The following AKAP6 variants were observed in gnomAD, a reference collection of about 807,000 sequenced individuals.
AKAP6 encodes A-kinase anchor protein 6.
In AKAP6, 58 loss-of-function variants were observed where a neutral mutation model predicts 188.5. The observed-to-expected ratio is 0.31, with a 90% CI of 0.25 to 0.38. The LOEUF is 0.38. AKAP6 is among the 10% of genes least tolerant of loss of function. The pLI is 1.00. For synonymous variants in AKAP6, 989 were observed against 998.6 expected (o/e 0.99, Z 0.18); for missense variants, 2,710 against 2,740.0 (o/e 0.99, Z 0.24).
intron 1 of AKAP6, among the ~76,000 whole-genome samples, chr14:32,344,785 A>G (rs10133482): frequency 0.021 from 3,157 of 152,078 alleles, 101 homozygotes; most frequent in African/African-American, 0.071. Flanking sequence ...GTGTGGTGGC[A>G]TACCCCTGTA....
At chr14:32,488,550 C>T (rs1879825024) in intron 2 of AKAP6, among the ~76,000 whole-genome samples, 1 of 152,120 alleles carries the variant, frequency 6.6e-6, no homozygotes, top group Admixed American at 6.5e-5. Context: ...AGTTCTGTCT[C>T]ACTGGGGTTC....
intron 1 of AKAP6, among the ~76,000 whole-genome samples, chr14:32,409,829 C>A (rs185961488): frequency 6.6e-6 from 1 of 152,120 alleles, no homozygotes; most frequent in East Asian, 1.9e-4. Context: ...CCAGGAGAGT[C>A]CACTTGGTTT....
chr14:32,691,629 G>A (rs1594852484), intron 8 of AKAP6, among the ~76,000 whole-genome samples: 1 of 152,000 alleles, frequency 6.6e-6, no homozygotes, highest in South Asian at 2.1e-4. Flanking sequence ...CATGACCTCA[G>A]CTCACTGCAA....
rs191795179 is a variant in AKAP6, at chr14:32,505,464, G to T, written c.325-30090G>T. ...TCAAGATATATGATATTTTAATATA[G>T]TATTTTTGAAAACCAAAATTAATGC... On this transcript the variant is annotated intron_variant, in intron 2 of 13. Coordinates refer to ENST00000280979, the MANE Select transcript of AKAP6 (RefSeq NM_004274.5). Among the ~76,000 whole-genome samples, 30 of 152,088 alleles carry T rather than the reference G, an allele frequency of 2.0e-4. No homozygotes were observed. The East Asian group carries it at 5.6e-3, about 28-fold the overall frequency.
intron 4 of AKAP6, among the ~76,000 whole-genome samples, chr14:32,569,967 G>A (rs1884400332): frequency 1.3e-5 from 2 of 152,034 alleles, no homozygotes; most frequent in Non-Finnish European, 2.9e-5. Flanking sequence ...AGATCCACTG[G>A]TCGGGTAGCT....
At chr14:32,809,145 G>A (rs2034160085) in intron 12 of AKAP6, among the ~76,000 whole-genome samples, 1 of 152,210 alleles carries the variant, frequency 6.6e-6, no homozygotes, top group South Asian at 2.1e-4. Flanking sequence ...ATAAAGCTGA[G>A]AAAGCTGGCG....
chr14:32,360,833 T>A (rs1480912647), intron 1 of AKAP6, among the ~76,000 whole-genome samples: 1 of 151,238 alleles, frequency 6.6e-6, no homozygotes, highest in African/African-American at 2.4e-5. Flanking sequence ...AGCCTCAAGC[T>A]CCTGGGCTCA....
intron 11 of AKAP6, among the ~76,000 whole-genome samples, chr14:32,762,537 C>T (rs763878756): frequency 3.3e-5 from 5 of 151,874 alleles, no homozygotes; most frequent in Non-Finnish European, 5.9e-5. Flanking sequence ...CAGAGATAAC[C>T]GCAGCTTTCG....
chr14:32,570,714 G>A (rs1460215755), intron 4 of AKAP6, among the ~76,000 whole-genome samples: 2 of 152,142 alleles, frequency 1.3e-5, no homozygotes, highest in Non-Finnish European at 2.9e-5. Context: ...AAGTCATTAG[G>A]TATAAACTAA....
chr14:32,688,286 C>T (rs955084139), intron 8 of AKAP6, among the ~76,000 whole-genome samples: 10 of 151,994 alleles, frequency 6.6e-5, no homozygotes, highest in African/African-American at 2.4e-4. Flanking sequence ...TAAAACAAAT[C>T]TGATTTATTT....
chr14:32,592,928 G>C lies in AKAP6; in HGVS notation c.2470-6482G>C, dbSNP rs1050022775. On this transcript the variant is annotated intron_variant, in intron 5 of 13. Coordinates refer to ENST00000280979, the MANE Select transcript of AKAP6 (RefSeq NM_004274.5). ...GCTCCAGAGCCCTTGCTTGTCAACA[G>C]CCCCATTCTACAGCATGTCATAACT... Among the ~76,000 whole-genome samples the C allele has an allele frequency of 2.6e-5, 4 of 151,564 alleles. No individual in the cohort carries two copies. In the East Asian group the frequency reaches 7.8e-4, roughly 29 times the overall value.
chr14:32,388,862 T>G (rs2138577380), intron 1 of AKAP6, among the ~76,000 whole-genome samples: 1 of 152,294 alleles, frequency 6.6e-6, no homozygotes, highest in South Asian at 2.1e-4. Context: ...ATATATCTGT[T>G]AAGTCCATTT....
intron 12 of AKAP6, among the ~76,000 whole-genome samples, chr14:32,794,319 G>T (rs542287379): frequency 6.6e-6 from 1 of 152,250 alleles, no homozygotes; most frequent in African/African-American, 2.4e-5. Context: ...CCAGCATTTT[G>T]GGAGGCTGAG....
At chr14:32,702,619 G>T (rs1338044702) in intron 9 of AKAP6, among the ~76,000 whole-genome samples, 1 of 152,116 alleles carries the variant, frequency 6.6e-6, no homozygotes, top group Non-Finnish European at 1.5e-5. Context: ...GTGTGGAGGG[G>T]CAAGGAAGGG....
chr14:32,675,594 A>T (rs2139628721), intron 7 of AKAP6, among the ~76,000 whole-genome samples: 1 of 152,296 alleles, frequency 6.6e-6, no homozygotes, highest in South Asian at 2.1e-4. Context: ...TAGTAGGAGG[A>T]ACTACTTTGG....
intron 4 of AKAP6, among the ~76,000 whole-genome samples, chr14:32,548,226 C>T (rs374415165): frequency 5.9e-5 from 9 of 151,652 alleles, no homozygotes; most frequent in Non-Finnish European, 1.5e-5. Flanking sequence ...CTCAGCCTCT[C>T]GTGTAGCTGG....
intron 1 of AKAP6, among the ~76,000 whole-genome samples, chr14:32,388,881 G>A (rs149005439): frequency 3.3e-5 from 5 of 152,086 alleles, no homozygotes; most frequent in African/African-American, 9.7e-5. Flanking sequence ...TTGTTCCAGG[G>A]TATAGTTTAA....
chr14:32,557,311 T>C (rs534089213), intron 4 of AKAP6, among the ~76,000 whole-genome samples: 1 of 152,328 alleles, frequency 6.6e-6, no homozygotes, highest in South Asian at 2.1e-4. Context: ...GTGCCCAGGC[T>C]GGTGTCGAAC....
chr14:32,782,893 A>C (rs1449647856), intron 12 of AKAP6, among the ~76,000 whole-genome samples: 1 of 151,972 alleles, frequency 6.6e-6, no homozygotes, highest in African/African-American at 2.4e-5. Flanking sequence ...TTTTCGTAAA[A>C]ATTTGTAAGC....
Sources: gnomAD v4.1 joint callset for allele counts (sites outside exome capture counted in the v4.1 genomes callset) on GRCh38, gnomAD v4.1.1 for gene constraint, MANE v1.5 for transcripts, NCBI Gene and HGNC (gene_info 2026-07-23, HGNC 2026-07-21) for gene names.